The following SMIM8 variants were observed in gnomAD, a reference collection of about 807,000 sequenced individuals.
SMIM8 encodes UPF0708 protein C6orf162.
In SMIM8, 8 loss-of-function variants were observed where a neutral mutation model predicts 8.1. The observed-to-expected ratio is 0.99, with a 90% confidence interval of 0.58 to 1.78. SMIM8 has a LOEUF of 1.78. Among genes scored for constraint, SMIM8 ranks in the 40% most tolerant of loss-of-function variants. The pLI is 0.00. For synonymous variants in SMIM8, 45 were observed against 39.7 expected (o/e 1.13, Z -0.50); for missense variants, 126 against 119.8 (o/e 1.05, Z -0.24).
chr6:87,327,694 C>T (rs1393616296), intron 1 of SMIM8, among the ~76,000 whole-genome samples: 2 of 146,084 alleles, frequency 1.4e-5, no homozygotes, highest in East Asian at 4.0e-4. Flanking sequence ...AACATTTTTT[C>T]CTTCATTTCA....
At chr6:87,333,196 G>C (rs545217646) in intron 2 of SMIM8, among the ~76,000 whole-genome samples, 65 of 152,210 alleles carry the variant, frequency 4.3e-4, no homozygotes, top group African/African-American at 1.5e-3. Context: ...AGAAAGAGAG[G>C]GGAGGTGCTA....
At chr6:87,329,436 A>T (rs769352578) in intron 1 of SMIM8, among the ~76,000 whole-genome samples, 5 of 151,930 alleles carry the variant, frequency 3.3e-5, no homozygotes, top group Non-Finnish European at 5.9e-5. Context: ...CACCACACCC[A>T]GCTAATTTTT....
intron 1 of SMIM8, among the ~76,000 whole-genome samples, chr6:87,328,926 C>T (rs1185648048): frequency 2.0e-5 from 3 of 152,200 alleles, no homozygotes; most frequent in Non-Finnish European, 4.4e-5. Flanking sequence ...TAGGACCCTC[C>T]GAACCACGTG....
intron 1 of SMIM8, among the ~76,000 whole-genome samples, chr6:87,324,151 T>C (rs567720759): frequency 2.0e-5 from 3 of 152,194 alleles, no homozygotes; most frequent in Non-Finnish European, 4.4e-5. Flanking sequence ...TTTGCTTGAG[T>C]TGATTGTAGA....
intron 1 of SMIM8, among the ~76,000 whole-genome samples, chr6:87,323,468 C>A (rs1340029324): frequency 7.5e-6 from 1 of 133,886 alleles, no homozygotes; most frequent in African/African-American, 2.8e-5. Context: ...TGTTCCCCTT[C>A]CTGTGTCCAT....
chr6:87,323,465 C>A (rs1354363449), intron 1 of SMIM8, among the ~76,000 whole-genome samples: 1 of 136,802 alleles, frequency 7.3e-6, no homozygotes, highest in East Asian at 2.4e-4. Flanking sequence ...TGATGTTCCC[C>A]TTCCTGTGTC....
At chr6:87,332,039 A>G (rs2985039) in intron 2 of SMIM8, among the ~76,000 whole-genome samples, 56,225 of 151,776 alleles carry the variant, frequency 0.37, 12,052 homozygotes, top group Non-Finnish European at 0.48. Flanking sequence ...GGGAGTTGCA[A>G]TATAACAAAT....
At chr6:87,334,590 C>T (rs1476029187) in intron 2 of SMIM8, among the ~76,000 whole-genome samples, 1 of 152,120 alleles carries the variant, frequency 6.6e-6, no homozygotes, top group Non-Finnish European at 1.5e-5. Context: ...AGGTGTGAGC[C>T]ACCCCGCCCA....
chr6:87,327,987 C>G (rs367896737), intron 1 of SMIM8, among the ~76,000 whole-genome samples: 2 of 151,444 alleles, frequency 1.3e-5, no homozygotes, highest in African/African-American at 2.4e-5. Flanking sequence ...CTTCCCTTCT[C>G]GCTTCATTTC....
chr6:87,341,000 A>G lies in SMIM8; in HGVS notation c.*726A>G, dbSNP rs145693067. 1.2e-3 allele frequency: 340 copies of G among 288,450 alleles called. 1 individual carries two copies. The highest frequency in any genetic ancestry group is 7.2e-3 in the African/African-American group (328 of 45,846). 17.9% of individuals were successfully genotyped at this position (288,450 alleles called of 1,614,324 possible). ...ATGATTTTGACTACAACTAAATGTT[A>G]TCTATTTTAGTGTTTATGTTAATTA... On this transcript the variant is annotated 3_prime_UTR_variant, in exon 4 of 4. Transcript: ENST00000392863.
In SMIM8 at chr6:87,328,470, A is replaced by G. The variant is rs549197859; in HGVS notation, c.-44-2222A>G. The stretch of plus-strand genomic sequence containing the variant: ...TCTGTTTGTTAGTTTTCCTTCTAAC[A>G]GACAGGACCGTAAGCTTCAGGTCTG... On this transcript the variant is annotated intron_variant, in intron 1 of 3. Coordinates refer to ENST00000392863, the MANE Select transcript of SMIM8 (RefSeq NM_001042493.3). Among the ~76,000 whole-genome samples the G allele has an allele frequency of 8.3e-3, 1,261 of 151,826 alleles. 19 individuals are homozygous for G. The highest frequency in any genetic ancestry group is 0.028 in the African/African-American group (1,150 of 41,302).
In SMIM8 at chr6:87,339,536, A is replaced by G. The variant is rs140501636; in HGVS notation, c.136-580A>G. 7.6e-3 allele frequency among the ~76,000 whole-genome samples: 1,151 copies of G among 152,134 alleles called. 6 individuals are homozygous for G. Among genetic ancestry groups the G allele is most frequent in the Non-Finnish European group, 0.012 (789 of 68,006 alleles). On this transcript the variant is annotated intron_variant, in intron 3 of 3. Transcript: ENST00000392863. Reference sequence around the variant, plus strand: ...AGAGTAAATCAAGGTTAACAGCATAATAGCTGTTCCCATCACTAAATTTCT... The same window carrying G: ...AGAGTAAATCAAGGTTAACAGCATAGTAGCTGTTCCCATCACTAAATTTCT...
intron 1 of SMIM8, 64 bp from the exon 2 acceptor site, chr6:87,330,628 T>G (rs910014398): frequency 1.3e-5 from 2 of 152,128 alleles, no homozygotes; most frequent in Admixed American, 6.5e-5. Context: ...TCTCATGGAG[T>G]TGGGTAAACG....
Position 87,340,357 on chromosome 6 carries a change from T to C in SMIM8, c.*83T>C, listed in dbSNP as rs1463762756. On this transcript the variant is annotated 3_prime_UTR_variant, in exon 4 of 4. Transcript: ENST00000392863. The stretch of plus-strand genomic sequence containing the variant: ...GACCTTGTGAGTGTACAGTATCATG[T>C]TTCTTGTTCTAGAACATGCTAATGA... The C allele has an allele frequency of 4.1e-5, 53 of 1,308,564 alleles. No individual in the cohort carries two copies. The highest frequency in any genetic ancestry group is 3.2e-5 in the Non-Finnish European group (32 of 1,006,472). The allele number at this position is 1,308,564 out of a possible 1,614,324, so 81.1% of individuals were successfully genotyped here. A position where few individuals can be genotyped will look rare whatever the true frequency, so the allele number is the denominator to read the frequency against.
intron 1 of SMIM8, among the ~76,000 whole-genome samples, chr6:87,328,905 C>T (rs1178575680): frequency 2.6e-5 from 4 of 152,236 alleles, no homozygotes; most frequent in Non-Finnish European, 5.9e-5. Flanking sequence ...ATCAGCCAGA[C>T]TCCGTGGGCG....
At chr6:87,338,906 CTTT>C (rs58307492) in intron 3 of SMIM8, among the ~76,000 whole-genome samples, 30 of 116,096 alleles carry the variant, frequency 2.6e-4, no homozygotes, top group African/African-American at 6.8e-4. Context: ...TATTTAAAAG[CTTT>C]TTTTTTTTTT....
intron 1 of SMIM8, among the ~76,000 whole-genome samples, chr6:87,327,919 C>T (rs1776871675): frequency 6.7e-6 from 1 of 150,190 alleles, no homozygotes; most frequent in South Asian, 2.1e-4. Context: ...GGTCTTTTCA[C>T]ATAGTCCCAT....
Position 87,340,283 on chromosome 6 carries a change from G to C in SMIM8, c.*9G>C, listed in dbSNP as rs1241951474. The C allele has an allele frequency of 6.3e-7, 1 of 1,578,556 alleles. No individual in the cohort carries two copies. The highest frequency in any genetic ancestry group is 8.6e-7 in the Non-Finnish European group (1 of 1,167,170). Reference sequence around the variant, plus strand: ...CATCCAAATGGGATTAGTAGTGCTGGTTAGTGCAGATGGACCTTTATTAAA... The same window carrying C: ...CATCCAAATGGGATTAGTAGTGCTGCTTAGTGCAGATGGACCTTTATTAAA... On this transcript the variant is annotated 3_prime_UTR_variant, in exon 4 of 4. Coordinates refer to ENST00000392863, the MANE Select transcript of SMIM8 (RefSeq NM_001042493.3).
rs1304922015 is a variant in SMIM8, at chr6:87,339,426, GTGTGTGTGTT to G, written c.136-680_136-671del. Among the ~76,000 whole-genome samples, 10 of 97,112 alleles carry G rather than the reference GTGTGTGTGTT, an allele frequency of 1.0e-4. No homozygotes were observed. In the East Asian group the frequency reaches 2.1e-3, roughly 20 times the overall value. 63.7% of individuals were successfully genotyped at this position (97,112 alleles called of 152,430 possible). A position where few individuals can be genotyped will look rare whatever the true frequency, so the allele number is the denominator to read the frequency against. ...AACAAAACACAGCGTGTGTGTGTGT[GTGTGTGTGTT>G]TGTGTGTGTGTGTGTGTGTGTGTGT... On this transcript the variant is annotated intron_variant, in intron 3 of 3. Coordinates refer to ENST00000392863, the MANE Select transcript of SMIM8 (RefSeq NM_001042493.3).
Sources: allele counts gnomAD v4.1 joint callset (sites outside exome capture counted in the v4.1 genomes callset), GRCh38; gene constraint gnomAD v4.1.1; transcripts MANE v1.5; gene names NCBI Gene and HGNC (gene_info 2026-07-23, HGNC 2026-07-21).